Variants in SMAD9 observed in about 807,000 individuals in gnomAD.
SMAD9 encodes SMAD family member 9, also known as MAD homolog 9.
SMAD9 carries 36 observed loss-of-function variants against 46.1 expected under a neutral mutation model. That is an observed-to-expected ratio of 0.78 (90% CI 0.60 to 1.03). The LOEUF (loss-of-function observed/expected upper bound fraction) is 1.03, where lower values mean the gene tolerates loss of function less well. SMAD9 is among the 50% of genes least tolerant of loss of function. SMAD9 has a pLI of 0.00. For missense variants in SMAD9, 572 were observed against 599.8 expected, an observed-to-expected ratio of 0.95 and a Z score of 0.48; for synonymous variants, 245 against 237.1, an observed-to-expected ratio of 1.03 and a Z score of -0.31.
chr13:36,851,053 G>C (rs1208335855), intron 6 of SMAD9, among the ~76,000 whole-genome samples: 2 of 152,158 alleles, frequency 1.3e-5, no homozygotes, highest in African/African-American at 4.8e-5. Context: ...AACCTTGCCT[G>C]TATAATATCT....
chr13:36,891,413 TA>T (rs1031793227), intron 1 of SMAD9, among the ~76,000 whole-genome samples: 98 of 152,362 alleles, frequency 6.4e-4, no homozygotes, highest in African/African-American at 2.2e-3. Flanking sequence ...CTGCTTCAAA[TA>T]TTCAGAGTCT....
intron 1 of SMAD9, among the ~76,000 whole-genome samples, chr13:36,907,978 G>C (rs1023700417): frequency 1.3e-5 from 2 of 152,134 alleles, no homozygotes; most frequent in Admixed American, 6.6e-5. Context: ...TCTCCTTTCA[G>C]CAGCCCACCC....
At chr13:36,888,116 T>C (rs2058462242) in intron 1 of SMAD9, among the ~76,000 whole-genome samples, 1 of 152,172 alleles carries the variant, frequency 6.6e-6, no homozygotes, top group African/African-American at 2.4e-5. Context: ...TTTCAGGGTG[T>C]TCACCCTGCA....
chr13:36,867,289 T>A lies in SMAD9; in HGVS notation c.765A>T (p.Leu255=). The A allele has an allele frequency of 6.5e-7, 1 of 1,547,538 alleles. No homozygotes were observed. The highest frequency in any genetic ancestry group is 8.7e-7 in the Non-Finnish European group (1 of 1,143,204). Residue 255 remains leucine, a synonymous_variant, in exon 4 of 7, where the codon CTA becomes CTT. Coordinates refer to ENST00000379826, the MANE Select transcript of SMAD9 (RefSeq NM_001127217.3). ...VDATADRHVV[L]SIPNGDFRPV... ...GCAATTTACCTCCATTTGGTATCGA[T>A]AGCACTACATGTCTATCAGCTGTGG...
chr13:36,920,390 G>C (rs1169738283), upstream of SMAD9: 5 of 150,918 alleles, frequency 3.3e-5, no homozygotes, highest in East Asian at 9.7e-4. Flanking sequence ...CGGGGGGCGG[G>C]AGCGAGACCG....
chr13:36,904,177 A>G (rs550636467), intron 1 of SMAD9, among the ~76,000 whole-genome samples: 1 of 152,284 alleles, frequency 6.6e-6, no homozygotes, highest in Admixed American at 6.5e-5. Context: ...GCTGGTTAAT[A>G]AAGAAATTGT....
chr13:36,862,253 G>A (rs1308280375), intron 5 of SMAD9, among the ~76,000 whole-genome samples: 1 of 152,060 alleles, frequency 6.6e-6, no homozygotes, highest in Non-Finnish European at 1.5e-5. Flanking sequence ...CAGGATGCTA[G>A]GAATTCTTAG....
At chr13:36,894,870 G>GC (rs1566034607) in intron 1 of SMAD9, among the ~76,000 whole-genome samples, 1 of 152,092 alleles carries the variant, frequency 6.6e-6, no homozygotes, top group Non-Finnish European at 1.5e-5. Flanking sequence ...CAGTGAACTA[G>GC]CCCTTGTAGA....
chr13:36,907,870 C>G lies in SMAD9; in HGVS notation c.-187+12246G>C, dbSNP rs184094087. Among the ~76,000 whole-genome samples, 598 of 152,134 alleles carry G rather than the reference C, an allele frequency of 3.9e-3. 3 individuals are homozygous for G. Among genetic ancestry groups the G allele is most frequent in the Non-Finnish European group, 5.5e-3 (373 of 67,992 alleles). ...TAATTTTCAGGTAGAAAATAATGTG[C>G]CATCGGTACCTGGAAGCCTTGGAAG... On this transcript the variant is annotated intron_variant, in intron 1 of 6. Transcript: ENST00000379826.
At position 36,879,476 on chromosome 13, in the gene SMAD9, G is replaced by T. The variant is rs1435580842; in HGVS notation, c.214C>A (p.Pro72Thr). 1.2e-6 allele frequency: 2 copies of T among 1,613,766 alleles called. No homozygotes were observed. The highest frequency in any genetic ancestry group is 2.7e-5 in the African/African-American group (2 of 74,952). Residue 72 changes from proline to threonine, a missense_variant, in exon 2 of 7, where the codon CCC becomes ACC. Transcript: ENST00000379826. The part of the protein sequence containing the change: ...PGQPSKCVTI[P>T]RSLDGRLQVS... The stretch of plus-strand genomic sequence containing the variant: ...TGCAGCCGCCCGTCCAGGGAGCGGG[G>T]AATCGTGACGCATTTGCTGGGCTGC...
intron 1 of SMAD9, among the ~76,000 whole-genome samples, chr13:36,886,968 T>C (rs1391558453): frequency 6.6e-6 from 1 of 151,228 alleles, no homozygotes; most frequent in African/African-American, 2.4e-5. Flanking sequence ...GACACGAGTG[T>C]CCTGCTGGAG....
At chr13:36,919,395 CAA>C (rs2058723446) in intron 1 of SMAD9, among the ~76,000 whole-genome samples, 1 of 152,132 alleles carries the variant, frequency 6.6e-6, no homozygotes, top group Non-Finnish European at 1.5e-5. Flanking sequence ...AAGGAAAAGA[CAA>C]ACACCCCGGC....
intron 1 of SMAD9, among the ~76,000 whole-genome samples, chr13:36,887,040 GTTTTTT>G (rs200264324): frequency 1.5e-4 from 15 of 102,552 alleles, no homozygotes; most frequent in African/African-American, 1.9e-4. Flanking sequence ...CTTTGAATGG[GTTTTTT>G]TTTTTTTTTT....
At chr13:36,920,716 C>T (rs1369192705), upstream of SMAD9, 1 of 152,360 alleles carries the variant, frequency 6.6e-6, no homozygotes, top group Non-Finnish European at 1.5e-5. Context: ...ACCGGCCCAT[C>T]AGTCTGGAGA....
intron 1 of SMAD9, among the ~76,000 whole-genome samples, chr13:36,904,934 T>G (rs2058606013): frequency 6.6e-6 from 1 of 152,214 alleles, no homozygotes. Context: ...ATTGATAGTT[T>G]TCTTCTTTTC....
intron 1 of SMAD9, among the ~76,000 whole-genome samples, 171 bp downstream of exon 1, chr13:36,919,945 C>T (rs1450354603): frequency 6.6e-6 from 1 of 151,540 alleles, no homozygotes; most frequent in African/African-American, 2.4e-5. Context: ...AACAACTTCG[C>T]CCTCCACTCA....
chr13:36,914,530 A>C (rs981145245), intron 1 of SMAD9, among the ~76,000 whole-genome samples: 1 of 151,908 alleles, frequency 6.6e-6, no homozygotes, highest in Non-Finnish European at 1.5e-5. Flanking sequence ...AAAAACAAAA[A>C]CAAAACAAAA....
chr13:36,849,125 A>G (rs181036891), intron 6 of SMAD9, among the ~76,000 whole-genome samples: 45 of 152,322 alleles, frequency 3.0e-4, no homozygotes, highest in African/African-American at 1.1e-3. Context: ...CCACAAAGGA[A>G]GAAACTTGAC....
In SMAD9 at chr13:36,848,771, A is replaced by G; in HGVS notation, c.1309T>C (p.Trp437Arg). The change falls in exon 7 of 7, where the codon TGG becomes CGG. Residue 437 changes from tryptophan to arginine, a missense_variant. Trp to Arg is a moderately radical substitution (Grantham distance 101). Coordinates refer to ENST00000379826, the MANE Select transcript of SMAD9 (RefSeq NM_001127217.3). Reference protein sequence around the residue: ...HRQDVTSTPCWIEIHLHGPLQ... With the variant: ...HRQDVTSTPCRIEIHLHGPLQ... ...GGCCCATGAAGATGAATCTCAATCC[A>G]GCAGGGGGTGCTGGTGACATCCTGG... is the stretch of plus-strand genomic sequence containing the variant. The G allele has an allele frequency of 6.2e-7, 1 of 1,614,142 alleles. No homozygotes were observed. Among genetic ancestry groups the G allele is most frequent in the South Asian group, 1.1e-5 (1 of 91,082 alleles).
Sources: allele counts gnomAD v4.1 joint callset (sites outside exome capture counted in the v4.1 genomes callset), GRCh38; gene constraint gnomAD v4.1.1; transcripts MANE v1.5; gene names NCBI Gene and HGNC (gene_info 2026-07-23, HGNC 2026-07-21).